Variants in BPIFA2 observed in about 807,000 individuals in gnomAD.
BPIFA2 encodes BPI fold-containing family A member 2.
A neutral mutation model predicts 25.7 loss-of-function variants in BPIFA2; 20 were observed. That is an observed-to-expected ratio of 0.78 (90% CI 0.55 to 1.13). The LOEUF is 1.13. BPIFA2 is among the 50% of genes most tolerant of loss of function. The pLI is 0.00. For synonymous variants in BPIFA2, 126 were observed against 124.3 expected, an observed-to-expected ratio of 1.01 and a Z score of -0.09; for missense variants, 300 against 298.1, an observed-to-expected ratio of 1.01 and a Z score of -0.05.
In BPIFA2 at chr20:33,169,183, T is replaced by C; in HGVS notation, c.38T>C (p.Val13Ala). 6.2e-7 allele frequency: 1 copy of C among 1,614,154 alleles called. No homozygotes were observed. Among genetic ancestry groups the C allele is most frequent in the Non-Finnish European group, 8.5e-7 (1 of 1,179,962 alleles). ...TGGAAACTTGTTCTCCTGTGCGGCG[T>C]GCTCACTGGGACCTCAGAGTCTCTT... is the stretch of plus-strand genomic sequence containing the variant. Reference protein sequence around the residue: ...QLWKLVLLCGVLTGTSESLLD... With the variant: ...QLWKLVLLCGALTGTSESLLD... Residue 13 changes from valine (V) to alanine (A), a missense_variant, in exon 2 of 9, where the codon GTG (valine) becomes GCG (alanine). Coordinates refer to ENST00000354932, the MANE Select transcript of BPIFA2 (RefSeq NM_080574.4).
At chr20:33,173,656 C>T (rs1373221295) in intron 3 of BPIFA2, among the ~76,000 whole-genome samples, 3 of 152,144 alleles carry the variant, frequency 2.0e-5, no homozygotes, top group African/African-American at 7.2e-5. Flanking sequence ...AGGCATGCAC[C>T]ACCACGCCCG....
chr20:33,176,876 G>T (rs977436275), intron 5 of BPIFA2, among the ~76,000 whole-genome samples: 1 of 152,110 alleles, frequency 6.6e-6, no homozygotes, highest in Admixed American at 6.5e-5. Flanking sequence ...TTTGCCTGGG[G>T]TGCTCTGGCT....
chr20:33,172,514 T>G lies in BPIFA2; in HGVS notation c.158-418T>G, dbSNP rs142489289. On this transcript the variant is annotated intron_variant, in intron 2 of 8. Transcript: ENST00000354932. The stretch of plus-strand genomic sequence containing the variant: ...GCCATTTTTTCTCCTGGATTCTAGA[T>G]TTTTCATTTCTTGAGTGTATTCTCT... 2.4e-3 allele frequency among the ~76,000 whole-genome samples: 366 copies of G among 152,312 alleles called. 4 individuals carry two copies. In the Middle Eastern group the frequency reaches 0.027, roughly 11 times the overall value.
intron 5 of BPIFA2, among the ~76,000 whole-genome samples, chr20:33,177,032 A>G (rs1158540519): frequency 6.6e-6 from 1 of 152,040 alleles, no homozygotes; most frequent in African/African-American, 2.4e-5. Context: ...ATTTAATTGT[A>G]TGTTCACTTC....
At chr20:33,172,258 G>T (rs1024799155) in intron 2 of BPIFA2, among the ~76,000 whole-genome samples, 1 of 152,076 alleles carries the variant, frequency 6.6e-6, no homozygotes, top group African/African-American at 2.4e-5. Context: ...GGCAAGGTGG[G>T]GGAGAGAATT....
chr20:33,171,779 C>T (rs1983905162), intron 2 of BPIFA2, among the ~76,000 whole-genome samples: 1 of 152,154 alleles, frequency 6.6e-6, no homozygotes, highest in Non-Finnish European at 1.5e-5. Context: ...AACACTTTTG[C>T]CCTGTTGGTG....
intron 5 of BPIFA2, among the ~76,000 whole-genome samples, chr20:33,176,121 G>A (rs1259201267): frequency 6.6e-6 from 1 of 151,488 alleles, no homozygotes; most frequent in Non-Finnish European, 1.5e-5. Flanking sequence ...GGAGGGAGAG[G>A]GGAGAGTAAG....
At chr20:33,170,442 C>T (rs756823319) in intron 2 of BPIFA2, among the ~76,000 whole-genome samples, 11 of 152,166 alleles carry the variant, frequency 7.2e-5, no homozygotes, top group Non-Finnish European at 1.2e-4. Context: ...GACAAGGTCT[C>T]ACTCTGTCAC....
chr20:33,180,039 G>A (rs575839880), intron 7 of BPIFA2, among the ~76,000 whole-genome samples: 1 of 152,180 alleles, frequency 6.6e-6, no homozygotes, highest in Non-Finnish European at 1.5e-5. Flanking sequence ...GTGACACGGT[G>A]AAACCCCATC....
Position 33,179,628 on chromosome 20 carries a change from A to T in BPIFA2, c.670A>T (p.Ile224Phe). ...GATATGTCCACTGATCCGCATCTTCATCCACTCCCTGGATGTGAATGTCAT... is the reference window on the plus strand; with the variant it reads ...GATATGTCCACTGATCCGCATCTTCTTCCACTCCCTGGATGTGAATGTCAT... ...KEICPLIRIF[I>F]HSLDVNVIQQ... The change falls in exon 7 of 9, where the codon ATC (isoleucine) becomes TTC (phenylalanine). Residue 224 changes from isoleucine to phenylalanine, a missense_variant. Physicochemically the swap from Ile to Phe is conservative, Grantham distance 21. Coordinates refer to ENST00000354932, the MANE Select transcript of BPIFA2 (RefSeq NM_080574.4). The T allele has an allele frequency of 1.2e-6, 2 of 1,613,008 alleles. No homozygotes were observed. The highest frequency in any genetic ancestry group is 1.7e-6 in the Non-Finnish European group (2 of 1,179,182).
chr20:33,175,226 A>C (rs1984033165), intron 4 of BPIFA2, among the ~76,000 whole-genome samples, 181 bp from the exon 5 acceptor site: 1 of 152,192 alleles, frequency 6.6e-6, no homozygotes, highest in African/African-American at 2.4e-5. Context: ...TGGCCAGGAG[A>C]AGAAGCCCCT....
intron 2 of BPIFA2, among the ~76,000 whole-genome samples, chr20:33,171,816 G>A (rs1014322406): frequency 5.3e-4 from 81 of 152,188 alleles, no homozygotes; most frequent in African/African-American, 1.9e-3. Flanking sequence ...CAACCATTGA[G>A]GAAGACAGTG....
Position 33,175,518 on chromosome 20 carries a change from C to A in BPIFA2, c.522C>A (p.Cys174Ter), listed in dbSNP as rs558435466. 1 of 1,614,078 alleles carries A rather than the reference C, an allele frequency of 6.2e-7. No homozygotes were observed. The highest frequency in any genetic ancestry group is 8.5e-7 in the Non-Finnish European group (1 of 1,179,970). Reference protein sequence around the residue: ...THQPVAVLGECASDPTSISLS... With the variant: ...THQPVAVLGE Reference sequence around the variant, plus strand: ...AGCCTGTTGCCGTCCTGGGAGAATGCGCCAGTGACCCAACCAGCATCTCAC... The same window carrying A: ...AGCCTGTTGCCGTCCTGGGAGAATGAGCCAGTGACCCAACCAGCATCTCAC... Residue 174 changes from cysteine (C) to a stop codon, truncating the protein, a stop_gained, in exon 5 of 9, where the codon TGC (cysteine) becomes TGA (stop). Coordinates refer to ENST00000354932, the MANE Select transcript of BPIFA2 (RefSeq NM_080574.4). LOFTEE classifies it high-confidence loss of function.
In BPIFA2 at chr20:33,179,913, T is replaced by C. The variant is rs948520292; in HGVS notation, c.709+246T>C. Reference sequence around the variant, plus strand: ...GCTGTCAAGACCCTGGAGGTGACCCTTCTATGAAAATAGCCACAAGTCAGC... The same window carrying C: ...GCTGTCAAGACCCTGGAGGTGACCCCTCTATGAAAATAGCCACAAGTCAGC... On this transcript the variant is annotated intron_variant, in intron 7 of 8. Coordinates refer to ENST00000354932, the MANE Select transcript of BPIFA2 (RefSeq NM_080574.4). Among the ~76,000 whole-genome samples the C allele has an allele frequency of 2.0e-5, 3 of 152,114 alleles. No homozygotes were observed. In the East Asian group the frequency reaches 5.8e-4, roughly 29 times the overall value.
chr20:33,175,493 A>G lies in BPIFA2; in HGVS notation c.497A>G (p.Gln166Arg). 1 of 1,614,132 alleles carries G rather than the reference A, an allele frequency of 6.2e-7. No homozygotes were observed. Among genetic ancestry groups the G allele is most frequent in the Non-Finnish European group, 8.5e-7 (1 of 1,179,990 alleles). Residue 166 changes from glutamine (Q) to arginine (R), a missense_variant, in exon 5 of 9, where the codon CAG (glutamine) becomes CGG (arginine). Physicochemically the swap from Gln to Arg is conservative, Grantham distance 43. Coordinates refer to ENST00000354932, the MANE Select transcript of BPIFA2 (RefSeq NM_080574.4). ...VTIETDPQTHQPVAVLGECAS... is the reference protein window; with the variant it reads ...VTIETDPQTHRPVAVLGECAS... ...ATTGAAACTGATCCCCAGACACACCAGCCTGTTGCCGTCCTGGGAGAATGC... is the reference window on the plus strand; with the variant it reads ...ATTGAAACTGATCCCCAGACACACCGGCCTGTTGCCGTCCTGGGAGAATGC...
chr20:33,169,032 T>C (rs1983809548), intron 1 of BPIFA2, 99 bp from the exon 2 acceptor site: 3 of 1,120,532 alleles, frequency 2.7e-6, no homozygotes, highest in South Asian at 3.0e-5. Context: ...ACCACATCTA[T>C]CTTAATGGAA....
rs1984034651 is a variant in BPIFA2, at chr20:33,175,255, T to A, written c.411-152T>A. 8.6e-6 allele frequency: 6 copies of A among 698,602 alleles called. No homozygotes were observed. The South Asian group carries it at 1.5e-4, about 18-fold the overall frequency. 43.3% of individuals were successfully genotyped at this position (698,602 alleles called of 1,614,324 possible). A position where few individuals can be genotyped will look rare whatever the true frequency, so the allele number is the denominator to read the frequency against. On this transcript the variant is annotated intron_variant, in intron 4 of 8. Transcript: ENST00000354932. ...AGCCCCTAATATAAACATGTAAATC[T>A]CATAGAGGATATGGACCATGTTGAT... is the stretch of plus-strand genomic sequence containing the variant.
chr20:33,172,904 G>C (rs1368507621), intron 2 of BPIFA2, 28 bp from the exon 3 acceptor site: 10 of 1,609,440 alleles, frequency 6.2e-6, no homozygotes, highest in Non-Finnish European at 8.5e-6. Flanking sequence ...AGTGGTGCGT[G>C]ACACAAAATG....
chr20:33,177,778 C>T (rs1984132139), intron 5 of BPIFA2, among the ~76,000 whole-genome samples: 1 of 152,168 alleles, frequency 6.6e-6, no homozygotes, highest in Non-Finnish European at 1.5e-5. Flanking sequence ...GGTACCACAT[C>T]AGGGTATGTT....
Sources: gnomAD v4.1 joint callset for allele counts (sites outside exome capture counted in the v4.1 genomes callset) on GRCh38, gnomAD v4.1.1 for gene constraint, MANE v1.5 for transcripts, NCBI Gene and HGNC (gene_info 2026-07-23, HGNC 2026-07-21) for gene names.